Variants in RABGAP1L observed in about 807,000 individuals in gnomAD.
RABGAP1L encodes the protein rab GTPase-activating protein 1-like.
Under a neutral mutation model 137.7 loss-of-function variants are expected in RABGAP1L, and 63 were observed. The observed-to-expected ratio is 0.46, with a 90% CI of 0.37 to 0.56. The LOEUF (loss-of-function observed/expected upper bound fraction) is 0.56. RABGAP1L is among the 20% of genes least tolerant of loss of function. RABGAP1L has a pLI of 0.00. For missense variants in RABGAP1L, 1,095 were observed against 1,244.0 expected, an observed-to-expected ratio of 0.88 and a Z score of 1.80; for synonymous variants, 431 against 433.7, an observed-to-expected ratio of 0.99 and a Z score of 0.08.
At chr1:174,527,488 G>A (rs552023127) in intron 13 of RABGAP1L, among the ~76,000 whole-genome samples, 23 of 152,172 alleles carry the variant, frequency 1.5e-4, no homozygotes, top group Non-Finnish European at 2.6e-4. Flanking sequence ...TTACAGGCGT[G>A]AGCTACCATG....
chr1:174,272,522 G>A, intron 8 of RABGAP1L, 42 bp downstream of exon 8: 1 of 1,432,408 alleles, frequency 7.0e-7, no homozygotes, highest in Admixed American at 2.8e-5. Context: ...ATAGATGATA[G>A]TTATTTTATA....
At chr1:174,358,285 T>A (rs1258051437) in intron 11 of RABGAP1L, among the ~76,000 whole-genome samples, 1 of 152,076 alleles carries the variant, frequency 6.6e-6, no homozygotes, top group African/African-American at 2.4e-5. Flanking sequence ...CCCAATCAGG[T>A]CCATTTATGC....
At chr1:174,190,706 A>G (rs1558016871) in intron 1 of RABGAP1L, among the ~76,000 whole-genome samples, 1 of 152,224 alleles carries the variant, frequency 6.6e-6, no homozygotes, top group Non-Finnish European at 1.5e-5. Flanking sequence ...AAATTTTTTA[A>G]AAGAACTTTA....
intron 13 of RABGAP1L, among the ~76,000 whole-genome samples, chr1:174,502,649 T>C (rs567450496): frequency 6.7e-6 from 1 of 148,794 alleles, no homozygotes; most frequent in African/African-American, 2.5e-5. Flanking sequence ...TATATATATG[T>C]ACATATATAT....
intron 10 of RABGAP1L, 101 bp downstream of exon 10, chr1:174,278,880 A>G (rs1374011231): frequency 9.7e-6 from 10 of 1,030,508 alleles, no homozygotes; most frequent in Admixed American, 2.9e-5. Flanking sequence ...AAACAATACA[A>G]TTCCTCAAAG....
chr1:174,368,944 C>CT (rs1684869354), intron 11 of RABGAP1L, among the ~76,000 whole-genome samples: 1 of 151,876 alleles, frequency 6.6e-6, no homozygotes, highest in African/African-American at 2.4e-5. Context: ...TTCCTTTTCT[C>CT]TTTTTTGTTT....
At chr1:174,188,607 G>C (rs1270359096) in intron 1 of RABGAP1L, among the ~76,000 whole-genome samples, 1 of 152,104 alleles carries the variant, frequency 6.6e-6, no homozygotes, top group Non-Finnish European at 1.5e-5. Context: ...TAATTATTAG[G>C]GTTTTTAACA....
intron 11 of RABGAP1L, among the ~76,000 whole-genome samples, chr1:174,349,482 C>T (rs1682841577): frequency 1.5e-5 from 2 of 131,878 alleles, no homozygotes; most frequent in Non-Finnish European, 1.6e-5. Flanking sequence ...CCCTCCCAGA[C>T]AGGGCGGCTG....
intron 13 of RABGAP1L, among the ~76,000 whole-genome samples, chr1:174,553,456 T>G (rs1666684589): frequency 6.6e-6 from 1 of 152,204 alleles, no homozygotes; most frequent in Non-Finnish European, 1.5e-5. Context: ...GGCTAGCCAG[T>G]TATCCCAGCC....
chr1:174,924,445 G>GA (rs1319145729), intron 19 of RABGAP1L, among the ~76,000 whole-genome samples: 1 of 151,080 alleles, frequency 6.6e-6, no homozygotes, highest in Non-Finnish European at 1.5e-5. Context: ...TAGAAAAGGG[G>GA]AAAGAGCATC....
intron 13 of RABGAP1L, among the ~76,000 whole-genome samples, chr1:174,525,402 G>T (rs1354797442): frequency 2.0e-5 from 3 of 151,646 alleles, no homozygotes; most frequent in Non-Finnish European, 4.4e-5. Context: ...TTACTTTTTA[G>T]CTATTGTAAA....
intron 13 of RABGAP1L, among the ~76,000 whole-genome samples, chr1:174,516,457 G>A (rs1662863409): frequency 6.6e-6 from 1 of 152,108 alleles, no homozygotes; most frequent in Non-Finnish European, 1.5e-5. Flanking sequence ...GGCTTCAAGT[G>A]ATCCTCTCTC....
At chr1:174,430,473 A>C (rs1287674890) in intron 13 of RABGAP1L, among the ~76,000 whole-genome samples, 1 of 152,220 alleles carries the variant, frequency 6.6e-6, no homozygotes, top group Non-Finnish European at 1.5e-5. Flanking sequence ...AGCATGCAAT[A>C]GACCTTCATT....
intron 18 of RABGAP1L, among the ~76,000 whole-genome samples, chr1:174,764,599 G>A (rs984550692): frequency 1.3e-5 from 2 of 152,078 alleles, no homozygotes; most frequent in South Asian, 4.1e-4. Context: ...AGGGTGAGGC[G>A]CTGTTCTTTT....
intron 11 of RABGAP1L, among the ~76,000 whole-genome samples, chr1:174,323,584 A>G (rs1680196727): frequency 6.6e-6 from 1 of 152,090 alleles, no homozygotes; most frequent in South Asian, 2.1e-4. Flanking sequence ...AGAACATGAA[A>G]CTGTATCTTC....
chr1:174,826,660 AC>A (rs1284884831), intron 19 of RABGAP1L, among the ~76,000 whole-genome samples: 1 of 152,210 alleles, frequency 6.6e-6, no homozygotes, highest in African/African-American at 2.4e-5. Flanking sequence ...CTGCGTGTAT[AC>A]CCAGTAATGG....
intron 7 of RABGAP1L, among the ~76,000 whole-genome samples, chr1:174,270,995 G>C (rs1027282225): frequency 6.6e-6 from 1 of 152,114 alleles, no homozygotes; most frequent in African/African-American, 2.4e-5. Flanking sequence ...AGTAGTATAA[G>C]AAATAGTACA....
intron 18 of RABGAP1L, among the ~76,000 whole-genome samples, chr1:174,767,929 T>G (rs1007143155): frequency 1.1e-4 from 17 of 151,970 alleles, no homozygotes; most frequent in Admixed American, 1.0e-3. Flanking sequence ...GTGAAACAAG[T>G]TTCCCCTTAT....
rs936345488 is a variant in RABGAP1L at position 174,222,740 on chromosome 1, C to A, written c.331+1576C>A. On this transcript the variant is annotated intron_variant, in intron 3 of 25. Transcript: ENST00000681986. ...GTTGTACTAAAGAATCCAGCCAATG[C>A]AAGATGACAGGAAAAAGAAATGAAG... Among the ~76,000 whole-genome samples the A allele has an allele frequency of 2.0e-5, 3 of 152,038 alleles. No individual in the cohort carries two copies. The South Asian group carries it at 6.2e-4, about 32-fold the overall frequency.
Sources: gnomAD v4.1 joint callset for allele counts (sites outside exome capture counted in the v4.1 genomes callset) on GRCh38, gnomAD v4.1.1 for gene constraint, MANE v1.5 for transcripts, NCBI Gene and HGNC (gene_info 2026-07-23, HGNC 2026-07-21) for gene names.